The following DCUN1D4 variants were observed in gnomAD, a reference collection of about 807,000 sequenced individuals.
The protein encoded by DCUN1D4 is defective in cullin neddylation 1 domain containing 4.
In DCUN1D4, 22 loss-of-function variants were observed where a neutral mutation model predicts 47.9. That is an observed-to-expected ratio of 0.46 (90% CI 0.33 to 0.66). The LOEUF is 0.66. Among genes scored for constraint, DCUN1D4 ranks in the 30% least tolerant of loss-of-function variants. The pLI is 0.02. For missense variants in DCUN1D4, 301 were observed against 340.8 expected, an observed-to-expected ratio of 0.88 and a Z score of 0.92; for synonymous variants, 121 against 112.2, an observed-to-expected ratio of 1.08 and a Z score of -0.50.
At chr4:51,892,029 A>G (rs1730508118) in intron 7 of DCUN1D4, among the ~76,000 whole-genome samples, 178 bp downstream of exon 7, 1 of 152,150 alleles carries the variant, frequency 6.6e-6, no homozygotes, top group Non-Finnish European at 1.5e-5. Context: ...TTCTGGGCAA[A>G]TTTATAAAGT....
chr4:51,865,923 A>C (rs951205743), intron 3 of DCUN1D4, among the ~76,000 whole-genome samples: 4 of 152,164 alleles, frequency 2.6e-5, no homozygotes, highest in Non-Finnish European at 5.9e-5. Flanking sequence ...ACCCTGCACT[A>C]TGACAGTGGA....
In DCUN1D4 at chr4:51,914,364, T is replaced by C. The variant is rs1329381507; in HGVS notation, c.*780T>C. ...CTTTAACTTTTTTGTTTGTTTGTTCTCTTTTTTTCCTTTTGCATTCTTCTA... is the reference window on the plus strand; with the variant it reads ...CTTTAACTTTTTTGTTTGTTTGTTCCCTTTTTTTCCTTTTGCATTCTTCTA... On this transcript the variant is annotated 3_prime_UTR_variant, in exon 11 of 11. Coordinates refer to ENST00000334635, the MANE Select transcript of DCUN1D4 (RefSeq NM_001040402.3). 1 of 152,168 alleles carries C rather than the reference T, an allele frequency of 6.6e-6. No individual in the cohort carries two copies. Among genetic ancestry groups the C allele is most frequent in the Non-Finnish European group, 1.5e-5 (1 of 67,988 alleles). 9.4% of individuals were successfully genotyped at this position (152,168 alleles called of 1,614,324 possible). A position where few individuals can be genotyped will look rare whatever the true frequency, so the allele number is the denominator to read the frequency against.
At chr4:51,907,081 A>T (rs1366921711) in intron 8 of DCUN1D4, among the ~76,000 whole-genome samples, 1 of 152,238 alleles carries the variant, frequency 6.6e-6, no homozygotes, top group Non-Finnish European at 1.5e-5. Flanking sequence ...TAATTGTTGA[A>T]TTCTTCACTG....
At chr4:51,900,199 A>AT (rs1007635380) in intron 8 of DCUN1D4, among the ~76,000 whole-genome samples, 9 of 150,638 alleles carry the variant, frequency 6.0e-5, no homozygotes, top group Non-Finnish European at 8.9e-5. Flanking sequence ...CACCATATTG[A>AT]TTTTTTTCAC....
At chr4:51,838,290 C>T (rs1052569797), upstream of DCUN1D4, among the ~76,000 whole-genome samples, 2 of 152,238 alleles carry the variant, frequency 1.3e-5, no homozygotes, top group East Asian at 3.9e-4. Flanking sequence ...GGATGTAATC[C>T]TTCTGACCCA....
chr4:51,914,194 C>CTAGATATGTA lies in DCUN1D4; in HGVS notation c.*610_*611insTAGATATGTA, dbSNP rs1734100452. The CTAGATATGTA allele has an allele frequency of 1.3e-5, 2 of 152,052 alleles. No individual in the cohort carries two copies. Among genetic ancestry groups the CTAGATATGTA allele is most frequent in the Admixed American group, 1.3e-4 (2 of 15,260 alleles). 9.4% of individuals were successfully genotyped at this position (152,052 alleles called of 1,614,324 possible). On this transcript the variant is annotated 3_prime_UTR_variant, in exon 11 of 11. Coordinates refer to ENST00000334635, the MANE Select transcript of DCUN1D4 (RefSeq NM_001040402.3). ...TTGAACATATAGATATGTAACATGC[C>CTAGATATGTA]ACAAATCATTTCTACCATGCAAGGT...
chr4:51,895,107 T>C (rs180876432), intron 7 of DCUN1D4, among the ~76,000 whole-genome samples: 55 of 152,186 alleles, frequency 3.6e-4, no homozygotes, highest in African/African-American at 1.3e-3. Context: ...CACCACTTTT[T>C]GATACCATCA....
intron 1 of DCUN1D4, among the ~76,000 whole-genome samples, chr4:51,854,395 A>G (rs955495909): frequency 2.6e-5 from 4 of 152,222 alleles, no homozygotes; most frequent in Non-Finnish European, 5.9e-5. Context: ...AAACATATGT[A>G]CTATGATCTT....
Position 51,863,535 on chromosome 4 carries a change from A to G in DCUN1D4, c.96+28A>G, listed in dbSNP as rs756033386. 7.5e-6 allele frequency: 12 copies of G among 1,596,982 alleles called. No individual in the cohort carries two copies. The South Asian group carries it at 1.3e-4, about 18-fold the overall frequency. On this transcript the variant is annotated intron_variant, in intron 2 of 10. Coordinates refer to ENST00000334635, the MANE Select transcript of DCUN1D4 (RefSeq NM_001040402.3). ...AAGTCATTCTTTTAAAGACAAAATT[A>G]CCAACTGTTTGAAGTAGTCATTTTG...
chr4:51,851,736 T>C (rs936841206), intron 1 of DCUN1D4, among the ~76,000 whole-genome samples: 1 of 152,210 alleles, frequency 6.6e-6, no homozygotes, highest in African/African-American at 2.4e-5. Context: ...TTGGATTTGC[T>C]TCAACTGCTT....
upstream of DCUN1D4, among the ~76,000 whole-genome samples, chr4:51,841,553 T>TAAATAAATAAAGAACCTG (rs1721653366): frequency 6.6e-6 from 1 of 152,182 alleles, no homozygotes; most frequent in South Asian, 2.1e-4. Context: ...CTGAAGCAAA[T>TAAATAAATAAAGAACCTG]AATAAATAAC....
At chr4:51,834,893 C>T in the DCUN1D4 span, among the ~76,000 whole-genome samples, 1 of 152,244 alleles carries the variant, frequency 6.6e-6, no homozygotes, top group Non-Finnish European at 1.5e-5. Context: ...CCTACTCTTA[C>T]ATATGCCAAC....
At chr4:51,905,647 G>A (rs1408801256) in intron 8 of DCUN1D4, among the ~76,000 whole-genome samples, 2 of 152,106 alleles carry the variant, frequency 1.3e-5, no homozygotes, top group Non-Finnish European at 2.9e-5. Flanking sequence ...ATTGATCTGA[G>A]ACTAGTTATA....
intron 6 of DCUN1D4, among the ~76,000 whole-genome samples, chr4:51,887,738 G>T (rs914925798): frequency 8.5e-5 from 13 of 152,076 alleles, no homozygotes; most frequent in African/African-American, 2.9e-4. Flanking sequence ...TGCTTTTAAA[G>T]AAACTAGCAA....
chr4:51,895,575 A>C (rs930003651), intron 7 of DCUN1D4, among the ~76,000 whole-genome samples: 12 of 151,550 alleles, frequency 7.9e-5, no homozygotes, highest in Non-Finnish European at 1.5e-5. Context: ...AAAAAAAAAA[A>C]AAAAAAAAAA....
chr4:51,842,928 C>A, upstream of DCUN1D4: 1 of 678,570 alleles, frequency 1.5e-6, no homozygotes, highest in Non-Finnish European at 2.1e-6. Context: ...CCGGGCCCAA[C>A]CCGCTGCTCC....
At chr4:51,891,935 G>T in intron 7 of DCUN1D4, 84 bp downstream of exon 7, 1 of 1,046,010 alleles carries the variant, frequency 9.6e-7, no homozygotes, top group South Asian at 1.5e-5. Flanking sequence ...GGAGGTGATT[G>T]AGTGAGTGGA....
At chr4:51,848,900 A>C (rs1168908392) in intron 1 of DCUN1D4, among the ~76,000 whole-genome samples, 1 of 152,148 alleles carries the variant, frequency 6.6e-6, no homozygotes, top group African/African-American at 2.4e-5. Context: ...TGCCCTCTTC[A>C]AATAGCATTA....
At chr4:51,904,557 G>A (rs939454512) in intron 8 of DCUN1D4, among the ~76,000 whole-genome samples, 5 of 152,088 alleles carry the variant, frequency 3.3e-5, no homozygotes, top group Non-Finnish European at 7.4e-5. Context: ...CTCAGTTTTG[G>A]GTTCCCCCTC....
Sources: gnomAD v4.1 joint callset for allele counts (sites outside exome capture counted in the v4.1 genomes callset) on GRCh38, gnomAD v4.1.1 for gene constraint, MANE v1.5 for transcripts, NCBI Gene and HGNC (gene_info 2026-07-23, HGNC 2026-07-21) for gene names.